Variants in KANK1 observed in about 807,000 individuals in gnomAD.
KANK1 encodes KN motif and ankyrin repeat domain-containing protein 1.
Under a neutral mutation model 106.2 loss-of-function variants are expected in KANK1, and 109 were observed. That is an observed-to-expected ratio of 1.03 (90% CI 0.88 to 1.20). The LOEUF (loss-of-function observed/expected upper bound fraction) is 1.20, where lower values mean the gene tolerates loss of function less well. KANK1 is among the 50% of genes most tolerant of loss of function. The pLI, the probability that KANK1 is intolerant of heterozygous loss-of-function variation, is 0.00. For synonymous variants in KANK1, 873 were observed against 652.2 expected (o/e 1.34, Z -5.16); for missense variants, 2,399 against 1,710.7 (o/e 1.40, Z -7.10).
At chr9:575,154 A>G (rs951001557) in intron 1 of KANK1, among the ~76,000 whole-genome samples, 2 of 152,248 alleles carry the variant, frequency 1.3e-5, no homozygotes, top group Non-Finnish European at 2.9e-5. Context: ...GCAGTGAACA[A>G]TATTCTCAAA....
chr9:633,346 T>G (rs2136880129), intron 1 of KANK1, among the ~76,000 whole-genome samples: 1 of 152,108 alleles, frequency 6.6e-6, no homozygotes, highest in Non-Finnish European at 1.5e-5. Context: ...TAGTCCCAGC[T>G]ACTTGGGAGG....
At chr9:539,598 C>G (rs1197625744) in intron 1 of KANK1, 1 of 152,166 alleles carries the variant, frequency 6.6e-6, no homozygotes, top group African/African-American at 2.4e-5. Flanking sequence ...TCAAGTGATC[C>G]TCTTGCCTCA....
At chr9:472,157 C>T (rs555659419) in intron 2 of KANK1, among the ~76,000 whole-genome samples, 6 of 152,296 alleles carry the variant, frequency 3.9e-5, no homozygotes, top group African/African-American at 1.4e-4. Flanking sequence ...TTCACAGCCT[C>T]TTATAGAGAG....
intron 7 of KANK1, among the ~76,000 whole-genome samples, chr9:737,624 A>G (rs1415205718): frequency 6.6e-6 from 1 of 152,206 alleles, no homozygotes; most frequent in Admixed American, 6.5e-5. Context: ...GAATGAAATT[A>G]GTTCCAGACG....
intron 1 of KANK1, among the ~76,000 whole-genome samples, chr9:602,518 A>G (rs1408014019): frequency 3.3e-5 from 5 of 151,804 alleles, no homozygotes; most frequent in South Asian, 2.1e-4. Flanking sequence ...TCAGCCTCCC[A>G]AAGTGCTGGG....
At chr9:710,235 C>T (rs1825567095) in intron 2 of KANK1, among the ~76,000 whole-genome samples, 1 of 152,196 alleles carries the variant, frequency 6.6e-6, no homozygotes, top group South Asian at 2.1e-4. Context: ...CAATCATTAT[C>T]TCATTACATT....
chr9:711,990 C>T lies in KANK1; in HGVS notation c.1224C>T (p.Asn408=). ...CTGTGGCTGTGGGTGCCGAGGAGAA[C>T]ATGAACGACATCGTCGTGTACCACA... ...CRSVAVGAEE[N]MNDIVVYHRG... Residue 408 remains asparagine (N), a synonymous_variant, in exon 3 of 12, where the codon AAC becomes AAT. Coordinates refer to ENST00000382297, the MANE Select transcript of KANK1 (RefSeq NM_015158.5). 2 of 1,614,164 alleles carry T rather than the reference C, an allele frequency of 1.2e-6. No homozygotes were observed.
At chr9:589,474 G>T (rs1361237801) in intron 1 of KANK1, among the ~76,000 whole-genome samples, 1 of 152,146 alleles carries the variant, frequency 6.6e-6, no homozygotes. Flanking sequence ...TTGGGGTAAG[G>T]AAACTTAGAT....
intron 1 of KANK1, among the ~76,000 whole-genome samples, chr9:626,928 T>G (rs1458863313): frequency 6.6e-6 from 1 of 152,204 alleles, no homozygotes; most frequent in African/African-American, 2.4e-5. Flanking sequence ...TTTACACTGG[T>G]GTACATCGGT....
chr9:557,299 A>G (rs1293713804), intron 1 of KANK1, among the ~76,000 whole-genome samples: 1 of 152,230 alleles, frequency 6.6e-6, no homozygotes, highest in Non-Finnish European at 1.5e-5. Flanking sequence ...GCAAATATAA[A>G]ACAGAAAAAG....
intron 2 of KANK1, chr9:686,647 T>A (rs1225772051): frequency 1.7e-6 from 1 of 587,380 alleles, no homozygotes; most frequent in Non-Finnish European, 2.1e-6. Context: ...AGCACCACAC[T>A]TTATACAGCT....
chr9:684,401 G>A, intron 2 of KANK1: 2 of 985,240 alleles, frequency 2.0e-6, no homozygotes, highest in African/African-American at 3.5e-5. Flanking sequence ...CAACAAGAAA[G>A]AAAGAAAAAA....
At chr9:517,564 A>G (rs1449574395) in intron 1 of KANK1, among the ~76,000 whole-genome samples, 1 of 151,356 alleles carries the variant, frequency 6.6e-6, no homozygotes, top group Non-Finnish European at 1.5e-5. Context: ...TTTTTCCTTT[A>G]GTGAAATCCT....
At chr9:685,782 C>G (rs1818416229) in intron 2 of KANK1, among the ~76,000 whole-genome samples, 1 of 152,192 alleles carries the variant, frequency 6.6e-6, no homozygotes, top group Non-Finnish European at 1.5e-5. Flanking sequence ...TAGGCAGAAT[C>G]AAAAGATAGC....
chr9:634,274 G>C (rs1836523286), intron 1 of KANK1, among the ~76,000 whole-genome samples: 1 of 152,114 alleles, frequency 6.6e-6, no homozygotes. Flanking sequence ...GGTTGAGGAT[G>C]AAATCATAGG....
chr9:516,914 G>A (rs2059302906), intron 1 of KANK1, among the ~76,000 whole-genome samples: 1 of 151,046 alleles, frequency 6.6e-6, no homozygotes, highest in African/African-American at 2.5e-5. Context: ...CTTGGGTTAC[G>A]AAGAAATTTG....
chr9:633,089 T>C (rs1836163185), intron 1 of KANK1, among the ~76,000 whole-genome samples: 1 of 152,090 alleles, frequency 6.6e-6, no homozygotes, highest in Non-Finnish European at 1.5e-5. Context: ...TGTCCAATCG[T>C]GACTTTTTCT....
At chr9:735,443 G>A (rs1366596392) in intron 7 of KANK1, among the ~76,000 whole-genome samples, 2 of 152,174 alleles carry the variant, frequency 1.3e-5, no homozygotes, top group African/African-American at 2.4e-5. Context: ...CTATGGCAAT[G>A]GTTAATGTGA....
chr9:664,740 G>A (rs906486630), intron 1 of KANK1, among the ~76,000 whole-genome samples: 5 of 152,098 alleles, frequency 3.3e-5, no homozygotes, highest in African/African-American at 7.2e-5. Flanking sequence ...ACATTTTTGA[G>A]GAACCTCTGA....
Sources: allele counts gnomAD v4.1 joint callset (sites outside exome capture counted in the v4.1 genomes callset), GRCh38; gene constraint gnomAD v4.1.1; transcripts MANE v1.5; gene names NCBI Gene and HGNC (gene_info 2026-07-23, HGNC 2026-07-21).